Variants in RELN observed in about 807,000 individuals in gnomAD.
RELN encodes reelin.
In RELN, 108 loss-of-function variants were observed where a neutral mutation model predicts 427.6. That is an observed-to-expected ratio of 0.25 (90% CI 0.22 to 0.30). The LOEUF (loss-of-function observed/expected upper bound fraction) is 0.30, where lower values mean the gene tolerates loss of function less well. Ranked by LOEUF, RELN falls within the 10% of genes least tolerant of loss-of-function variation. RELN has a pLI of 1.00. For synonymous variants in RELN, 1,524 were observed against 1,513.4 expected, an observed-to-expected ratio of 1.01 and a Z score of -0.16; for missense variants, 3,715 against 4,302.8, an observed-to-expected ratio of 0.86 and a Z score of 3.82.
chr7:103,661,572 C>G (rs1225413072), intron 11 of RELN, 45 bp from the exon 12 acceptor site: 8 of 1,553,798 alleles, frequency 5.1e-6, no homozygotes, highest in African/African-American at 1.4e-5. Flanking sequence ...AATATTAAGC[C>G]AAATCTTTAT....
At chr7:103,764,033 A>C (rs910560040) in intron 4 of RELN, among the ~76,000 whole-genome samples, 2 of 152,194 alleles carry the variant, frequency 1.3e-5, no homozygotes, top group Non-Finnish European at 2.9e-5. Flanking sequence ...GTCTCTGTTT[A>C]GTGACTGGGG....
intron 10 of RELN, 66 bp from the exon 11 acceptor site, chr7:103,682,327 A>G: frequency 1.9e-6 from 3 of 1,555,908 alleles, no homozygotes; most frequent in Non-Finnish European, 1.8e-6. Flanking sequence ...TGTCTTACTC[A>G]TGTATAATTA....
At chr7:103,784,064 C>A (rs921120843) in intron 3 of RELN, among the ~76,000 whole-genome samples, 1 of 152,042 alleles carries the variant, frequency 6.6e-6, no homozygotes, top group Non-Finnish European at 1.5e-5. Context: ...AGGGAAGATA[C>A]CCACAAGCAG....
chr7:103,514,041 A>G (rs1464297009), intron 50 of RELN: 3 of 152,054 alleles, frequency 2.0e-5, no homozygotes, highest in Non-Finnish European at 4.4e-5. Context: ...AGGACATGCT[A>G]TTCTTCTGGA....
At chr7:103,810,855 T>C (rs1792725265) in intron 3 of RELN, among the ~76,000 whole-genome samples, 1 of 152,194 alleles carries the variant, frequency 6.6e-6, no homozygotes. Flanking sequence ...TCTCTTCTTC[T>C]GTATAGTTGT....
chr7:103,675,015 T>C (rs1183244993), intron 11 of RELN, among the ~76,000 whole-genome samples: 2 of 152,120 alleles, frequency 1.3e-5, no homozygotes, highest in African/African-American at 4.8e-5. Flanking sequence ...CTATTCAACA[T>C]AGTGTTGGAA....
chr7:103,570,719 C>G (rs1830863122), intron 31 of RELN, among the ~76,000 whole-genome samples: 1 of 152,200 alleles, frequency 6.6e-6, no homozygotes, highest in Admixed American at 6.5e-5. Flanking sequence ...CATCCAGAAT[C>G]TACGCAGCAG....
chr7:103,980,388 T>C (rs914617209), intron 1 of RELN, among the ~76,000 whole-genome samples: 6 of 152,118 alleles, frequency 3.9e-5, no homozygotes, highest in Non-Finnish European at 7.4e-5. Context: ...TCCAGCTTTG[T>C]TTAGCATAGA....
At chr7:103,599,492 A>T (rs1351386513) in intron 24 of RELN, among the ~76,000 whole-genome samples, 2 of 152,198 alleles carry the variant, frequency 1.3e-5, no homozygotes, top group Non-Finnish European at 2.9e-5. Context: ...AGTGCATGAC[A>T]TGCATTTCTG....
At chr7:103,934,576 T>C (rs955242302) in intron 1 of RELN, among the ~76,000 whole-genome samples, 7 of 152,172 alleles carry the variant, frequency 4.6e-5, no homozygotes, top group African/African-American at 1.7e-4. Flanking sequence ...ATGTAATCAT[T>C]GTGTTCATCA....
At chr7:103,844,702 T>C (rs1019858096) in intron 2 of RELN, among the ~76,000 whole-genome samples, 1 of 152,176 alleles carries the variant, frequency 6.6e-6, no homozygotes, top group Non-Finnish European at 1.5e-5. Flanking sequence ...TTGTTATAGA[T>C]AGATAATAAG....
intron 51 of RELN, among the ~76,000 whole-genome samples, chr7:103,509,425 T>C (rs1243785120): frequency 2.0e-5 from 3 of 152,182 alleles, no homozygotes; most frequent in Non-Finnish European, 4.4e-5. Context: ...ATTTAATAAA[T>C]GGTGTTGGGA....
chr7:103,808,910 G>C (rs1021256663), intron 3 of RELN, among the ~76,000 whole-genome samples: 1 of 152,102 alleles, frequency 6.6e-6, no homozygotes, highest in East Asian at 1.9e-4. Context: ...AAAATTTCCT[G>C]GTCCTCAAAA....
At chr7:103,487,976 T>G (rs1828504220) in intron 60 of RELN, among the ~76,000 whole-genome samples, 1 of 152,172 alleles carries the variant, frequency 6.6e-6, no homozygotes, top group East Asian at 1.9e-4. Flanking sequence ...AAACCCCATC[T>G]CTACTAAAAA....
rs1277619518 is a variant in RELN, at chr7:103,776,602, C to G, written c.499G>C (p.Val167Leu). 2 of 1,614,042 alleles carry G rather than the reference C, an allele frequency of 1.2e-6. No homozygotes were observed. The highest frequency in any genetic ancestry group is 2.2e-5 in the South Asian group (2 of 91,076). Reference sequence around the variant, plus strand: ...TGGGCTAAAGCATCTTTGAAAATAACCTGGCCCCGGTGTGTTGCTGTAGCC... The same window carrying G: ...TGGGCTAAAGCATCTTTGAAAATAAGCTGGCCCCGGTGTGTTGCTGTAGCC... Reference protein sequence around the residue: ...FMATATHRGQVIFKDALAQQL... With the variant: ...FMATATHRGQLIFKDALAQQL... The change falls in exon 4 of 65, where the codon GTT becomes CTT. Residue 167 changes from valine to leucine, a missense_variant. Coordinates refer to ENST00000428762, the MANE Select transcript of RELN (RefSeq NM_005045.4).
chr7:103,903,075 G>C (rs1456726385), intron 2 of RELN, among the ~76,000 whole-genome samples: 1 of 151,992 alleles, frequency 6.6e-6, no homozygotes, highest in Non-Finnish European at 1.5e-5. Context: ...AAAAGGGCTG[G>C]AAAACCTCAA....
intron 19 of RELN, among the ~76,000 whole-genome samples, chr7:103,630,674 C>G (rs3025967): frequency 6.6e-6 from 1 of 152,044 alleles, no homozygotes. Flanking sequence ...TTAATTGCCA[C>G]TGCAATGACA....
chr7:103,637,675 T>A (rs1368166052), intron 17 of RELN, among the ~76,000 whole-genome samples: 2 of 152,156 alleles, frequency 1.3e-5, no homozygotes. Context: ...AAGCCAATAT[T>A]TACTGGATGA....
chr7:103,501,311 T>G (rs967115998), intron 52 of RELN, among the ~76,000 whole-genome samples: 3 of 152,216 alleles, frequency 2.0e-5, no homozygotes, highest in African/African-American at 7.2e-5. Flanking sequence ...AGAAGGTGAG[T>G]GACGCCTTTG....
Sources: allele counts gnomAD v4.1 joint callset (sites outside exome capture counted in the v4.1 genomes callset), GRCh38; gene constraint gnomAD v4.1.1; transcripts MANE v1.5; gene names NCBI Gene and HGNC (gene_info 2026-07-23, HGNC 2026-07-21).